Variants in GRM8 observed in about 807,000 individuals in gnomAD.
GRM8 encodes the protein metabotropic glutamate receptor 8.
In GRM8, 47 loss-of-function variants were observed where a neutral mutation model predicts 87.2. That is an observed-to-expected ratio of 0.54 (90% CI 0.43 to 0.69). The LOEUF (loss-of-function observed/expected upper bound fraction) is 0.69, where lower values mean the gene tolerates loss of function less well. Among genes scored for constraint, GRM8 ranks in the 30% least tolerant of loss-of-function variants. GRM8 has a pLI of 0.00. For synonymous variants in GRM8, 396 were observed against 404.5 expected (o/e 0.98, Z 0.25); for missense variants, 1,019 against 1,139.2 (o/e 0.89, Z 1.52).
At chr7:127,235,089 C>A (rs1797906786) in intron 2 of GRM8, among the ~76,000 whole-genome samples, 1 of 152,138 alleles carries the variant, frequency 6.6e-6, no homozygotes, top group Non-Finnish European at 1.5e-5. Flanking sequence ...TATATAACAT[C>A]CAGTCACAAA....
chr7:127,072,383 T>G (rs1356964930), intron 3 of GRM8, among the ~76,000 whole-genome samples: 2 of 152,202 alleles, frequency 1.3e-5, no homozygotes, highest in African/African-American at 4.8e-5. Flanking sequence ...ACATATTTCC[T>G]AAAAGTTTCC....
chr7:126,925,600 A>C (rs1187025531), intron 3 of GRM8, among the ~76,000 whole-genome samples: 1 of 152,190 alleles, frequency 6.6e-6, no homozygotes, highest in Admixed American at 6.5e-5. Context: ...TATTTCTTTC[A>C]GTCTTTATCC....
In GRM8 at chr7:126,661,795, A is replaced by G. The variant is rs185851656; in HGVS notation, c.1358-52297T>C. On this transcript the variant is annotated intron_variant, in intron 7 of 10. Coordinates refer to ENST00000339582, the MANE Select transcript of GRM8 (RefSeq NM_000845.3). ...GCCATACTCTTCCTCCCAAGAGAGCAGATTTAAAATCCACTCATAGAGATG... is the reference window on the plus strand; with the variant it reads ...GCCATACTCTTCCTCCCAAGAGAGCGGATTTAAAATCCACTCATAGAGATG... Among the ~76,000 whole-genome samples, 308 of 152,370 alleles carry G rather than the reference A, an allele frequency of 2.0e-3. 2 individuals carry two copies. Among genetic ancestry groups the G allele is most frequent in the African/African-American group, 7.2e-3 (300 of 41,590 alleles).
intron 7 of GRM8, among the ~76,000 whole-genome samples, chr7:126,635,153 A>G (rs1801720929): frequency 6.6e-6 from 1 of 152,198 alleles, no homozygotes; most frequent in Non-Finnish European, 1.5e-5. Flanking sequence ...TGAAAGTAGA[A>G]TAAGTCAATA....
intron 6 of GRM8, among the ~76,000 whole-genome samples, chr7:126,827,388 A>G (rs1023500429): frequency 2.6e-5 from 4 of 151,942 alleles, no homozygotes; most frequent in African/African-American, 9.7e-5. Flanking sequence ...CTTTTATTTC[A>G]CTGAGCAGTG....
At chr7:126,581,689 C>T (rs978701728) in intron 8 of GRM8, among the ~76,000 whole-genome samples, 2 of 152,088 alleles carry the variant, frequency 1.3e-5, no homozygotes, top group African/African-American at 4.8e-5. Context: ...GAGCAAGTCT[C>T]TCAGCACCAT....
intron 3 of GRM8, among the ~76,000 whole-genome samples, chr7:127,090,012 G>A (rs996951155): frequency 3.3e-5 from 5 of 152,174 alleles, no homozygotes; most frequent in African/African-American, 1.2e-4. Context: ...CAATGGCATA[G>A]ATCCCCACAG....
intron 6 of GRM8, among the ~76,000 whole-genome samples, chr7:126,883,286 A>G (rs1800188066): frequency 6.6e-6 from 1 of 152,208 alleles, no homozygotes; most frequent in African/African-American, 2.4e-5. Flanking sequence ...CCTCATTTTA[A>G]CTATGCAACT....
chr7:126,988,552 G>C (rs1034347936), intron 3 of GRM8, among the ~76,000 whole-genome samples: 4 of 152,116 alleles, frequency 2.6e-5, no homozygotes, highest in Non-Finnish European at 4.4e-5. Context: ...TGCCTATTAT[G>C]TGCTAGGTAC....
intron 7 of GRM8, among the ~76,000 whole-genome samples, chr7:126,750,055 T>A (rs1422999053): frequency 6.6e-6 from 1 of 152,130 alleles, no homozygotes; most frequent in African/African-American, 2.4e-5. Flanking sequence ...TCATAAAAGC[T>A]TTATTCTTCA....
chr7:127,115,950 T>G (rs1431415894), intron 2 of GRM8, among the ~76,000 whole-genome samples: 1 of 152,124 alleles, frequency 6.6e-6, no homozygotes, highest in East Asian at 1.9e-4. Context: ...GACCTCCATC[T>G]CTATAAAACA....
intron 3 of GRM8, among the ~76,000 whole-genome samples, chr7:126,959,399 T>G (rs139934600): frequency 7.9e-4 from 121 of 152,324 alleles, no homozygotes; most frequent in Non-Finnish European, 1.5e-3. Context: ...AGCAGTGAAC[T>G]TGAGGAATAA....
intron 3 of GRM8, among the ~76,000 whole-genome samples, chr7:127,081,734 A>G (rs1485698921): frequency 6.6e-6 from 1 of 152,244 alleles, no homozygotes; most frequent in African/African-American, 2.4e-5. Flanking sequence ...GGGAGTCATC[A>G]GCATAGAGAC....
At chr7:126,764,089 CTAATA>C (rs1424463905) in intron 7 of GRM8, among the ~76,000 whole-genome samples, 4 of 151,796 alleles carry the variant, frequency 2.6e-5, no homozygotes, top group Non-Finnish European at 5.9e-5. Flanking sequence ...TTTTATCTTT[CTAATA>C]TAATTATTGT....
chr7:127,159,883 A>G (rs1792990462), intron 2 of GRM8, among the ~76,000 whole-genome samples: 1 of 152,212 alleles, frequency 6.6e-6, no homozygotes, highest in South Asian at 2.1e-4. Flanking sequence ...ATAAATTGCA[A>G]TAAAACATGC....
At chr7:126,993,413 G>C (rs1812865929) in intron 3 of GRM8, among the ~76,000 whole-genome samples, 1 of 152,064 alleles carries the variant, frequency 6.6e-6, no homozygotes. Flanking sequence ...ATTATGCTGA[G>C]GGTGGAGCAA....
chr7:126,635,742 T>C (rs1425773086), intron 7 of GRM8, among the ~76,000 whole-genome samples: 1 of 152,174 alleles, frequency 6.6e-6, no homozygotes, highest in African/African-American at 2.4e-5. Context: ...TTCTTTATCT[T>C]ACTTGGGAGA....
chr7:126,834,893 T>C lies in GRM8; in HGVS notation c.1157-64828A>G, dbSNP rs140499745. Among the ~76,000 whole-genome samples, 11 of 151,722 alleles carry C rather than the reference T, an allele frequency of 7.3e-5. No individual in the cohort carries two copies. In the East Asian group the frequency reaches 1.9e-3, roughly 27 times the overall value. On this transcript the variant is annotated intron_variant, in intron 6 of 10. Transcript: ENST00000339582. Reference sequence around the variant, plus strand: ...TGAGAGGATTGCTTGAGCTTAGGAGTTTGAGACCCGGTCTCTGAAAAATAA... The same window carrying C: ...TGAGAGGATTGCTTGAGCTTAGGAGCTTGAGACCCGGTCTCTGAAAAATAA...
intron 6 of GRM8, among the ~76,000 whole-genome samples, chr7:126,882,980 A>T (rs918525608): frequency 6.6e-6 from 1 of 152,222 alleles, no homozygotes; most frequent in African/African-American, 2.4e-5. Context: ...AAATAGAACT[A>T]AAGGCTGGCC....
Sources: allele counts gnomAD v4.1 joint callset (sites outside exome capture counted in the v4.1 genomes callset), GRCh38; gene constraint gnomAD v4.1.1; transcripts MANE v1.5; gene names NCBI Gene and HGNC (gene_info 2026-07-23, HGNC 2026-07-21).